Variants in CLNK observed in about 807,000 individuals in gnomAD.
CLNK encodes the protein cytokine dependent hematopoietic cell linker.
Under a neutral mutation model 68.6 loss-of-function variants are expected in CLNK, and 74 were observed. That is an observed-to-expected ratio of 1.08 (90% CI 0.89 to 1.31). The LOEUF (loss-of-function observed/expected upper bound fraction) is 1.31. CLNK is among the 50% of genes most tolerant of loss of function. CLNK has a pLI of 0.00. For missense variants in CLNK, 553 were observed against 515.3 expected (o/e 1.07, Z -0.71); for synonymous variants, 198 against 172.2 (o/e 1.15, Z -1.17).
intron 16 of CLNK, 107 bp from the exon 17 acceptor site, chr4:10,508,143 G>A (rs1717391781): frequency 3.9e-6 from 3 of 765,576 alleles, no homozygotes; most frequent in Non-Finnish European, 6.4e-6. Flanking sequence ...TAATCATAGT[G>A]TAATCTGTAG....
intron 8 of CLNK, among the ~76,000 whole-genome samples, chr4:10,554,998 C>A (rs1182845626): frequency 1.3e-5 from 2 of 152,206 alleles, no homozygotes; most frequent in Non-Finnish European, 1.5e-5. Flanking sequence ...TGCTGATGGC[C>A]TTGAGCAAGC....
chr4:10,719,809 C>T, the CLNK span, among the ~76,000 whole-genome samples: 48,026 of 151,948 alleles, frequency 0.32, 8,006 homozygotes, highest in African/African-American at 0.41. Context: ...AGACAGACCA[C>T]ATCCTGGGAC....
chr4:10,646,751 C>T (rs777072384), intron 2 of CLNK, among the ~76,000 whole-genome samples: 8 of 152,030 alleles, frequency 5.3e-5, no homozygotes, highest in African/African-American at 9.7e-5. Flanking sequence ...GCCTATATTC[C>T]GCAGGAGAGC....
intron 8 of CLNK, among the ~76,000 whole-genome samples, chr4:10,551,433 T>A (rs4697758): frequency 0.29 from 40,689 of 139,492 alleles, 6,797 homozygotes; most frequent in African/African-American, 0.49. Context: ...ATATATATAT[T>A]TTTTTTTAGT....
chr4:10,537,983 G>T (rs1261053099), intron 11 of CLNK, among the ~76,000 whole-genome samples: 1 of 151,798 alleles, frequency 6.6e-6, no homozygotes, highest in Non-Finnish European at 1.5e-5. Context: ...GCCAAAAGTG[G>T]CTCACCTGGG....
chr4:10,687,277 A>C (rs61794279), upstream of CLNK, among the ~76,000 whole-genome samples: 3 of 152,086 alleles, frequency 2.0e-5, no homozygotes, highest in African/African-American at 7.2e-5. Flanking sequence ...TTGAACAAGA[A>C]ATCAACCATC....
At chr4:10,650,949 A>T (rs937044225) in intron 2 of CLNK, among the ~76,000 whole-genome samples, 4 of 152,222 alleles carry the variant, frequency 2.6e-5, no homozygotes, top group African/African-American at 9.6e-5. Flanking sequence ...ACATGAAAAA[A>T]ACCTCATCAT....
chr4:10,523,808 T>A (rs948920661), intron 14 of CLNK: 6 of 175,486 alleles, frequency 3.4e-5, no homozygotes, highest in Non-Finnish European at 6.2e-5. Flanking sequence ...GTGAATCACT[T>A]GAGCCCAGGA....
At chr4:10,636,346 T>C (rs966932484) in intron 2 of CLNK, among the ~76,000 whole-genome samples, 5 of 151,946 alleles carry the variant, frequency 3.3e-5, no homozygotes, top group African/African-American at 9.7e-5. Context: ...AGAGAAAAGA[T>C]GGCCATGTAA....
chr4:10,541,239 A>G (rs1409225937), intron 10 of CLNK, among the ~76,000 whole-genome samples: 2 of 151,380 alleles, frequency 1.3e-5, no homozygotes, highest in African/African-American at 2.4e-5. Flanking sequence ...AAAAAAACCC[A>G]ATAAGAAATA....
chr4:10,625,991 C>A (rs955268723), intron 2 of CLNK, among the ~76,000 whole-genome samples: 1 of 152,240 alleles, frequency 6.6e-6, no homozygotes, highest in African/African-American at 2.4e-5. Flanking sequence ...CAGAAACATT[C>A]GTGTGTGGAA....
At chr4:10,568,858 C>T (rs190523508) in intron 5 of CLNK, among the ~76,000 whole-genome samples, 4 of 152,194 alleles carry the variant, frequency 2.6e-5, no homozygotes, top group South Asian at 4.2e-4. Context: ...ATCCACTGTG[C>T]GATAATAAAT....
At chr4:10,665,816 G>C (rs1724375497) in intron 2 of CLNK, among the ~76,000 whole-genome samples, 1 of 152,162 alleles carries the variant, frequency 6.6e-6, no homozygotes, top group South Asian at 2.1e-4. Flanking sequence ...TGAAGATAAA[G>C]GCTGCTGCCC....
intron 17 of CLNK, among the ~76,000 whole-genome samples, chr4:10,506,133 G>A (rs1031359336): frequency 3.9e-5 from 6 of 152,114 alleles, no homozygotes; most frequent in Non-Finnish European, 7.3e-5. Context: ...GTCATCATTC[G>A]ATAATCATTT....
At chr4:10,553,976 C>T (rs1051670194) in intron 8 of CLNK, among the ~76,000 whole-genome samples, 2 of 152,168 alleles carry the variant, frequency 1.3e-5, no homozygotes, top group African/African-American at 4.8e-5. Flanking sequence ...TCTTGGGCCA[C>T]TCAATTATCT....
At chr4:10,648,594 T>C (rs546298589) in intron 2 of CLNK, among the ~76,000 whole-genome samples, 71 of 152,238 alleles carry the variant, frequency 4.7e-4, no homozygotes, top group South Asian at 2.1e-3. Flanking sequence ...GTGGAGAAAA[T>C]TGGTAGAAGT....
chr4:10,731,444 G>A, the CLNK span, among the ~76,000 whole-genome samples: 3 of 152,098 alleles, frequency 2.0e-5, no homozygotes, highest in South Asian at 4.1e-4. Flanking sequence ...CACATCTTTT[G>A]TTCCTTAGTT....
chr4:10,558,561 T>C (rs1719767007), intron 7 of CLNK, 109 bp from the exon 8 acceptor site: 8 of 971,850 alleles, frequency 8.2e-6, no homozygotes, highest in South Asian at 7.3e-5. Flanking sequence ...CGTAAGTCCC[T>C]GGGCTCTCTG....
At chr4:10,542,642 GTGTGTGTGTGTGTA>G (rs1294168641) in intron 8 of CLNK, among the ~76,000 whole-genome samples, 1 of 144,144 alleles carries the variant, frequency 6.9e-6, no homozygotes, top group Non-Finnish European at 1.5e-5. Context: ...GTGTATATGT[GTGTGTGTGTGTGTA>G]TGTGTGTGTG....
Sources: allele counts gnomAD v4.1 joint callset (sites outside exome capture counted in the v4.1 genomes callset), GRCh38; gene constraint gnomAD v4.1.1; transcripts MANE v1.5; gene names NCBI Gene and HGNC (gene_info 2026-07-23, HGNC 2026-07-21).